NR2E3: variants seen among roughly 807,000 people sequenced by gnomAD.
NR2E3 encodes nuclear receptor subfamily 2 group E member 3, also known as photoreceptor-specific nuclear receptor.
Under a neutral mutation model 37.6 loss-of-function variants are expected in NR2E3, and 38 were observed. That is an observed-to-expected ratio of 1.01 (90% CI 0.78 to 1.33). The LOEUF is 1.33. Among genes scored for constraint, NR2E3 ranks in the 40% most tolerant of loss-of-function variants. The pLI is 0.00. For synonymous variants in NR2E3, 235 were observed against 225.1 expected, an observed-to-expected ratio of 1.04 and a Z score of -0.39; for missense variants, 562 against 558.7, an observed-to-expected ratio of 1.01 and a Z score of -0.06.
chr15:71,813,709 ACCC>A lies in NR2E3; in HGVS notation c.994+77_994+79del. 7 of 1,592,748 alleles carry A rather than the reference ACCC, an allele frequency of 4.4e-6. No homozygotes were observed. The highest frequency in any genetic ancestry group is 6.0e-6 in the Non-Finnish European group (7 of 1,171,024). On this transcript the variant is annotated intron_variant, in intron 6 of 7. Transcript: ENST00000617575. The surrounding 1 kb of genome is among the most constrained non-coding windows in gnomAD (Gnocchi z 4.7). ...ATCTGCCTCTCACTCTCCCTCCACT[ACCC>A]CCATGTGTGCAGATGTGTGTAGGCC...
At chr15:71,814,979 G>C (rs995815188) in intron 7 of NR2E3, 1 of 886,052 alleles carries the variant, frequency 1.1e-6, no homozygotes, top group East Asian at 1.2e-4. Flanking sequence ...AGGAAAGACG[G>C]TTTTGAGGGA....
At chr15:71,817,101 C>CT (rs1555454986) in intron 7 of NR2E3, among the ~76,000 whole-genome samples, 1,639 of 80,908 alleles carry the variant, frequency 0.02, 12 homozygotes, top group East Asian at 0.052. Flanking sequence ...TTTCTTTTTT[C>CT]TTTTTTTTTT....
chr15:71,817,868 T>C lies in NR2E3; in HGVS notation c.*184T>C, dbSNP rs2054239641. The C allele has an allele frequency of 2.2e-6, 1 of 446,580 alleles. No individual in the cohort carries two copies. Among genetic ancestry groups the C allele is most frequent in the South Asian group, 6.8e-5 (1 of 14,720 alleles). The allele number at this position is 446,580 out of a possible 1,614,324, so 27.7% of individuals were successfully genotyped here. On this transcript the variant is annotated 3_prime_UTR_variant, in exon 8 of 8. Transcript: ENST00000617575. ...ATAATAGCCCCAAACTGTATATTGA[T>C]GGTAGGATGAATTAACAAGTTGTGG...
At chr15:71,817,388 A>G (rs966927225) in intron 7 of NR2E3, 164 bp from the exon 8 acceptor site, 14 of 859,100 alleles carry the variant, frequency 1.6e-5, no homozygotes, top group South Asian at 5.4e-5. Flanking sequence ...GTGAGCCACC[A>G]CGCCTGGCCT....
chr15:71,817,802 C>T lies in NR2E3; in HGVS notation c.*118C>T, dbSNP rs2054239298. 2.4e-6 allele frequency: 2 copies of T among 838,218 alleles called. No homozygotes were observed. The highest frequency in any genetic ancestry group is 1.7e-5 in the African/African-American group (1 of 59,204). The allele number at this position is 838,218 out of a possible 1,614,324, so 51.9% of individuals were successfully genotyped here. On this transcript the variant is annotated 3_prime_UTR_variant, in exon 8 of 8. Transcript: ENST00000617575. Reference sequence around the variant, plus strand: ...GGTGTGTGTACCCAGCAGAAATGCCCACCGAAAGATATTGTAAGAATATTC... The same window carrying T: ...GGTGTGTGTACCCAGCAGAAATGCCTACCGAAAGATATTGTAAGAATATTC...
In NR2E3 at chr15:71,813,368, G is replaced by A. The variant is rs1235134611; in HGVS notation, c.748-21G>A. On this transcript the variant is annotated intron_variant, in intron 5 of 7. Transcript: ENST00000617575. This position sits in a 1 kb window ranked among gnomAD's most constrained non-coding sequence, Gnocchi z 4.7. ...GAGAAGCTGTGTGTCTGCCATAACA[G>A]GCACCCCTGTCTGAGCACAGGTGAT... 2 of 1,607,392 alleles carry A rather than the reference G, an allele frequency of 1.2e-6. No homozygotes were observed. Among genetic ancestry groups the A allele is most frequent in the East Asian group, 4.5e-5 (2 of 44,680 alleles).
At chr15:71,814,409 T>A in intron 7 of NR2E3, 1 of 1,166,684 alleles carries the variant, frequency 8.6e-7, no homozygotes, top group East Asian at 4.3e-5. Context: ...GAGACAGAGA[T>A]CCCCTTGCAT....
chr15:71,817,534 G>T lies in NR2E3; in HGVS notation c.1101-18G>T. On this transcript the variant is annotated intron_variant, in intron 7 of 7. Transcript: ENST00000617575. Reference sequence around the variant, plus strand: ...AGAAGCTGGTCGTAAAACTGATGGCGTCCTCTCTCCTGTTCAGGTTTGGGA... The same window carrying T: ...AGAAGCTGGTCGTAAAACTGATGGCTTCCTCTCTCCTGTTCAGGTTTGGGA... 6.4e-7 allele frequency: 1 copy of T among 1,570,560 alleles called. No individual in the cohort carries two copies. Among genetic ancestry groups the T allele is most frequent in the Non-Finnish European group, 8.7e-7 (1 of 1,147,012 alleles).
In NR2E3 at chr15:71,816,787, TC is replaced by T. The variant is rs573776161; in HGVS notation, c.1101-763del. ...TAATAATATTTTCATATACAGGTGC[TC>T]CTTGACTTATGATGGGGTTACATCT... is the stretch of plus-strand genomic sequence containing the variant. On this transcript the variant is annotated intron_variant, in intron 7 of 7. Coordinates refer to ENST00000617575, the MANE Select transcript of NR2E3 (RefSeq NM_014249.4). Among the ~76,000 whole-genome samples, 29 of 152,180 alleles carry T rather than the reference TC, an allele frequency of 1.9e-4. No individual in the cohort carries two copies. In the South Asian group the frequency reaches 5.6e-3, roughly 29 times the overall value.
Position 71,813,715 on chromosome 15 carries a change from A to C in NR2E3, c.994+80A>C. The C allele has an allele frequency of 5.1e-6, 8 of 1,571,508 alleles. No individual in the cohort carries two copies. Among genetic ancestry groups the C allele is most frequent in the African/African-American group, 1.3e-5 (1 of 74,394 alleles). ...CTCTCACTCTCCCTCCACTACCCCC[A>C]TGTGTGCAGATGTGTGTAGGCCTCT... is the stretch of plus-strand genomic sequence containing the variant. On this transcript the variant is annotated intron_variant, in intron 6 of 7. Coordinates refer to ENST00000617575, the MANE Select transcript of NR2E3 (RefSeq NM_014249.4). The surrounding 1 kb of genome is among the most constrained non-coding windows in gnomAD (Gnocchi z 4.7).
chr15:71,812,261 T>TCC, intron 4 of NR2E3, 75 bp from the exon 5 acceptor site: 1 of 1,609,088 alleles, frequency 6.2e-7, no homozygotes, highest in South Asian at 1.1e-5. Context: ...TGATCCTCCC[T>TCC]CCCCCGGGGC....
intron 7 of NR2E3, chr15:71,817,346 C>T (rs891454854): frequency 6.7e-5 from 29 of 433,098 alleles, no homozygotes; most frequent in African/African-American, 5.5e-4. Flanking sequence ...GATCCGCCCG[C>T]CTCAGCCTCC....
Position 71,810,683 on chromosome 15 carries a change from G to C in NR2E3, c.-61G>C, listed in dbSNP as rs1194821782. On this transcript the variant is annotated 5_prime_UTR_variant, in exon 1 of 8. Transcript: ENST00000617575. Reference sequence around the variant, plus strand: ...ACAGAGGTTCATGGACTGAGGCAAAGGCTGGGCCAGGCTCAGCAACCCAGG... The same window carrying C: ...ACAGAGGTTCATGGACTGAGGCAAACGCTGGGCCAGGCTCAGCAACCCAGG... The C allele has an allele frequency of 6.5e-7, 1 of 1,547,802 alleles. No homozygotes were observed. The highest frequency in any genetic ancestry group is 1.4e-5 in the African/African-American group (1 of 72,948).
chr15:71,814,231 C>T (rs2054210376), intron 7 of NR2E3, 114 bp downstream of exon 7: 1 of 1,469,692 alleles, frequency 6.8e-7, no homozygotes, highest in African/African-American at 1.4e-5. Context: ...CTCAGTTCAA[C>T]AGCATACAGC....
At position 71,814,022 on chromosome 15, in the gene NR2E3, C is replaced by A. The variant is rs142621527; in HGVS notation, c.1005C>A (p.Gly335=). The change falls in exon 7 of 8, where the codon GGC becomes GGA. Residue 335 remains glycine (G), a synonymous_variant. Transcript: ENST00000617575. ...ALVLFKPETR[G]LKDPEHVEAL... ...GCTGCTTCTCCCCAGAGACGCGGGG[C>A]CTGAAGGATCCTGAGCACGTAGAGG... 1,104 of 1,611,988 alleles carry A rather than the reference C, an allele frequency of 6.8e-4. 7 individuals are homozygous for A. In the African/African-American group the frequency reaches 0.012, roughly 18 times the overall value.
intron 7 of NR2E3, 108 bp from the exon 8 acceptor site, chr15:71,817,444 C>G (rs184929487): frequency 1.4e-6 from 2 of 1,400,368 alleles, no homozygotes; most frequent in African/African-American, 1.4e-5. Context: ...CTCTGGGGAC[C>G]TCATCTCTCC....
Position 71,810,654 on chromosome 15 carries a change from A to C in NR2E3, c.-90A>C. ...TTCAGGAAGGGAGACAGGGGCACAG[A>C]GAGACAGAGGTTCATGGACTGAGGC... is the stretch of plus-strand genomic sequence containing the variant. On this transcript the variant is annotated 5_prime_UTR_variant, in exon 1 of 8. Transcript: ENST00000617575. 6.5e-7 allele frequency: 1 copy of C among 1,531,360 alleles called. No individual in the cohort carries two copies. The highest frequency in any genetic ancestry group is 8.8e-7 in the Non-Finnish European group (1 of 1,137,086). 94.9% of individuals were successfully genotyped at this position (1,531,360 alleles called of 1,614,324 possible).
rs1395134030 is a variant in NR2E3 at position 71,811,462 on chromosome 15, G to A, written c.119-21G>A. 1 of 1,545,084 alleles carries A rather than the reference G, an allele frequency of 6.5e-7. No individual in the cohort carries two copies. On this transcript the variant is annotated intron_variant, in intron 1 of 7. Coordinates refer to ENST00000617575, the MANE Select transcript of NR2E3 (RefSeq NM_014249.4). The surrounding 1 kb of genome is among the most constrained non-coding windows in gnomAD (Gnocchi z 5.6). ...CCCGGCCCAGCCCTGCCCTGGCCCA[G>A]CCCTGCCCCCTGCCCCTCAGGCGTG...
chr15:71,816,016 G>A (rs2054223454), intron 7 of NR2E3, among the ~76,000 whole-genome samples: 1 of 152,190 alleles, frequency 6.6e-6, no homozygotes. Context: ...CTTGGCACTA[G>A]CAAGAGAAAG....
Sources: allele counts gnomAD v4.1 joint callset (sites outside exome capture counted in the v4.1 genomes callset), GRCh38; gene constraint gnomAD v4.1.1; non-coding constraint Gnocchi (gnomAD v3.1); transcripts MANE v1.5; gene names NCBI Gene and HGNC (gene_info 2026-07-23, HGNC 2026-07-21).